The following PCSK5 variants were observed in gnomAD, a reference collection of about 807,000 sequenced individuals.
PCSK5 encodes the protein prohormone convertase 5.
PCSK5 carries 129 observed loss-of-function variants against 233.2 expected under a neutral mutation model. The ratio of observed to expected loss-of-function variants is 0.55; its 90% CI spans 0.48 to 0.64. The LOEUF (loss-of-function observed/expected upper bound fraction) is 0.64. Ranked by LOEUF, PCSK5 falls within the 30% of genes least tolerant of loss-of-function variation. The probability of loss-of-function intolerance (pLI) is 0.00; values close to 1 mark genes in which losing one functional copy is unlikely to be tolerated. For synonymous variants in PCSK5, 825 were observed against 879.2 expected, an observed-to-expected ratio of 0.94 and a Z score of 1.09; for missense variants, 2,076 against 2,430.1, an observed-to-expected ratio of 0.85 and a Z score of 3.06.
At chr9:76,120,534 A>G (rs1239943271) in intron 9 of PCSK5, among the ~76,000 whole-genome samples, 6 of 151,948 alleles carry the variant, frequency 3.9e-5, no homozygotes, top group African/African-American at 9.7e-5. Flanking sequence ...TTTCAGACTT[A>G]TTTTTTGGAG....
At chr9:76,069,945 A>C (rs1317972486) in intron 6 of PCSK5, among the ~76,000 whole-genome samples, 1 of 150,728 alleles carries the variant, frequency 6.6e-6, no homozygotes, top group Non-Finnish European at 1.5e-5. Flanking sequence ...CGAGATCATT[A>C]TGTAGGGTTT....
chr9:76,152,461 G>T (rs1425470374), intron 10 of PCSK5, among the ~76,000 whole-genome samples: 1 of 152,142 alleles, frequency 6.6e-6, no homozygotes, highest in Non-Finnish European at 1.5e-5. Flanking sequence ...GTTGCTGCTT[G>T]TTTGCCTTAT....
intron 24 of PCSK5, among the ~76,000 whole-genome samples, chr9:76,257,130 G>A (rs1255754089): frequency 6.6e-6 from 1 of 152,152 alleles, no homozygotes; most frequent in African/African-American, 2.4e-5. Context: ...CTGTGTCACA[G>A]CACTTAGCAC....
At chr9:76,048,283 G>A (rs1829495391) in intron 5 of PCSK5, among the ~76,000 whole-genome samples, 1 of 152,174 alleles carries the variant, frequency 6.6e-6, no homozygotes, top group Non-Finnish European at 1.5e-5. Context: ...AGGGGTGCTC[G>A]AATTGGCACA....
intron 2 of PCSK5, among the ~76,000 whole-genome samples, chr9:75,940,591 T>A (rs1161440669): frequency 6.6e-6 from 1 of 152,230 alleles, no homozygotes; most frequent in Non-Finnish European, 1.5e-5. Context: ...TGGTGCCTGT[T>A]GTGCTCAGGA....
At chr9:76,055,092 G>A (rs915605404) in intron 5 of PCSK5, among the ~76,000 whole-genome samples, 2 of 151,850 alleles carry the variant, frequency 1.3e-5, no homozygotes, top group Admixed American at 1.3e-4. Context: ...TATTCCCGAT[G>A]GCCAAAATGA....
chr9:75,946,223 A>G (rs1290159463), intron 2 of PCSK5, among the ~76,000 whole-genome samples: 2 of 152,234 alleles, frequency 1.3e-5, no homozygotes, highest in African/African-American at 2.4e-5. Context: ...ACATCATTTT[A>G]TGGTGATGTA....
intron 9 of PCSK5, among the ~76,000 whole-genome samples, chr9:76,124,594 A>T (rs564110498): frequency 2.0e-4 from 30 of 151,728 alleles, no homozygotes; most frequent in Non-Finnish European, 3.1e-4. Flanking sequence ...AAATACAAAA[A>T]ATTATCCGGG....
chr9:76,194,960 C>A, intron 20 of PCSK5: 1 of 175,966 alleles, frequency 5.7e-6, no homozygotes, highest in Admixed American at 6.2e-5. Context: ...AGGTCCCCAT[C>A]CAAACAGCAA....
chr9:76,001,301 GGTCAAGTTATTTGTTCAAAATTAATT>G (rs1827249486), intron 3 of PCSK5, among the ~76,000 whole-genome samples: 1 of 151,750 alleles, frequency 6.6e-6, no homozygotes. Flanking sequence ...CATGTCATGT[GGTCAAGTTATTTGTTCAAAATTAATT>G]GAAATATTTC....
chr9:76,238,424 T>TA (rs1826317994), intron 22 of PCSK5, among the ~76,000 whole-genome samples: 1 of 152,242 alleles, frequency 6.6e-6, no homozygotes, highest in Non-Finnish European at 1.5e-5. Context: ...AGTGCTTCAA[T>TA]AAGCTTGTCA....
intron 1 of PCSK5, among the ~76,000 whole-genome samples, chr9:75,927,636 G>C (rs973745923): frequency 6.6e-6 from 1 of 152,132 alleles, no homozygotes; most frequent in Non-Finnish European, 1.5e-5. Context: ...GCTGCCAGTG[G>C]TGAATGATTT....
At chr9:75,900,105 C>T (rs1825962982) in intron 1 of PCSK5, among the ~76,000 whole-genome samples, 1 of 152,148 alleles carries the variant, frequency 6.6e-6, no homozygotes, top group Non-Finnish European at 1.5e-5. Context: ...CACCTGCCAG[C>T]CTCCATTCGC....
At chr9:76,218,987 C>A (rs563811850) in intron 20 of PCSK5, among the ~76,000 whole-genome samples, 1 of 152,166 alleles carries the variant, frequency 6.6e-6, no homozygotes, top group African/African-American at 2.4e-5. Flanking sequence ...TCCTGGGTGC[C>A]GCATTCCATA....
intron 2 of PCSK5, among the ~76,000 whole-genome samples, chr9:75,965,317 T>C (rs10869673): frequency 0.56 from 83,787 of 150,966 alleles, 23,544 homozygotes; most frequent in Non-Finnish European, 0.59. Flanking sequence ...AGAGAGATAC[T>C]AATTATGAGG....
At chr9:76,193,410 A>AAAC in intron 20 of PCSK5, 1 of 1,206,336 alleles carries the variant, frequency 8.3e-7, no homozygotes. Flanking sequence ...ATATTATTAA[A>AAAC]AAGAAAAAAG....
chr9:76,130,955 G>T (rs1211982475), intron 9 of PCSK5, among the ~76,000 whole-genome samples: 3 of 152,088 alleles, frequency 2.0e-5, no homozygotes, highest in African/African-American at 7.2e-5. Flanking sequence ...AGCTCTTGTT[G>T]CACAAGTTTG....
Position 76,096,049 on chromosome 9 carries a change from T to C in PCSK5, c.1054T>C (p.Ser352Pro). The change falls in exon 8 of 38, where the codon TCA (serine) becomes CCA (proline). Residue 352 changes from serine (S) to proline (P), a missense_variant. Transcript: ENST00000674117. ...GAAACCTTGGTACCTGGAAGAGTGT[T>C]CATCCACGCTGGCCACAACCTACAG... is the stretch of plus-strand genomic sequence containing the variant. The part of the protein sequence containing the change: ...GKKPWYLEEC[S>P]STLATTYSSG... The C allele has an allele frequency of 6.2e-7, 1 of 1,614,124 alleles. No individual in the cohort carries two copies. Among genetic ancestry groups the C allele is most frequent in the South Asian group, 1.1e-5 (1 of 91,072 alleles).
intron 8 of PCSK5, among the ~76,000 whole-genome samples, chr9:76,100,285 G>A (rs915082748): frequency 1.5e-4 from 23 of 152,300 alleles, no homozygotes; most frequent in Admixed American, 5.2e-4. Context: ...GTTGTATAAC[G>A]AAAGAATTCA....
Sources: gnomAD v4.1 joint callset for allele counts (sites outside exome capture counted in the v4.1 genomes callset) on GRCh38, gnomAD v4.1.1 for gene constraint, MANE v1.5 for transcripts, NCBI Gene and HGNC (gene_info 2026-07-23, HGNC 2026-07-21) for gene names.